Variants in FRMD4B observed in about 807,000 individuals in gnomAD.
FRMD4B encodes the protein FERM domain containing 4B, also known as FERM domain-containing protein 4B.
Under a neutral mutation model 141.5 loss-of-function variants are expected in FRMD4B, and 74 were observed. That is an observed-to-expected ratio of 0.52 (90% CI 0.43 to 0.63). The LOEUF is 0.63. Ranked by LOEUF, FRMD4B falls within the 30% of genes least tolerant of loss-of-function variation. FRMD4B has a pLI of 0.00. For synonymous variants in FRMD4B, 506 were observed against 467.9 expected (o/e 1.08, Z -1.05); for missense variants, 1,366 against 1,253.4 (o/e 1.09, Z -1.36).
At chr3:69,450,570 T>C (rs1705479567) in intron 1 of FRMD4B, among the ~76,000 whole-genome samples, 2 of 152,192 alleles carry the variant, frequency 1.3e-5, no homozygotes, top group African/African-American at 4.8e-5. Flanking sequence ...CTGTCCAACA[T>C]GGGGAAACCC....
At chr3:69,309,421 T>C (rs1422301694) in intron 3 of FRMD4B, among the ~76,000 whole-genome samples, 2 of 151,108 alleles carry the variant, frequency 1.3e-5, no homozygotes, top group South Asian at 2.1e-4. Flanking sequence ...GGATCACAGG[T>C]GTGAGCCACT....
intron 1 of FRMD4B, among the ~76,000 whole-genome samples, chr3:69,537,034 C>A (rs1283162706): frequency 6.6e-6 from 1 of 152,214 alleles, no homozygotes; most frequent in Admixed American, 6.5e-5. Flanking sequence ...AGGCATGAGC[C>A]ACTGCACCCC....
intron 1 of FRMD4B, among the ~76,000 whole-genome samples, chr3:69,539,923 C>T (rs1182383945): frequency 6.6e-6 from 1 of 152,226 alleles, no homozygotes; most frequent in Non-Finnish European, 1.5e-5. Flanking sequence ...GGCCCTGTGG[C>T]TCACGCCTGT....
intron 11 of FRMD4B, among the ~76,000 whole-genome samples, chr3:69,203,341 A>AAAAAAAAAAAAAAAAG (rs1553700373): frequency 6.5e-5 from 5 of 76,976 alleles, no homozygotes; most frequent in Non-Finnish European, 7.7e-5. Flanking sequence ...AAAAAAAAAA[A>AAAAAAAAAAAAAAAAG]AAAGAAAGAA....
chr3:69,201,029 G>T (rs2092960839), intron 11 of FRMD4B: 1 of 276,214 alleles, frequency 3.6e-6, no homozygotes, highest in East Asian at 8.7e-5. Flanking sequence ...CTCCCTGCAA[G>T]CAAAAACTCT....
chr3:69,446,159 C>A (rs1250128981), intron 1 of FRMD4B, among the ~76,000 whole-genome samples: 1 of 151,828 alleles, frequency 6.6e-6, no homozygotes, highest in Admixed American at 6.6e-5. Flanking sequence ...TCCTGAGTAG[C>A]TGGGATTACA....
intron 19 of FRMD4B, among the ~76,000 whole-genome samples, chr3:69,187,353 C>G: frequency 6.6e-6 from 1 of 151,554 alleles, no homozygotes; most frequent in South Asian, 2.1e-4. Context: ...CGAGACCACC[C>G]GGACCAACAT....
intron 1 of FRMD4B, among the ~76,000 whole-genome samples, chr3:69,355,301 G>A (rs1387315897): frequency 6.6e-6 from 1 of 152,160 alleles, no homozygotes; most frequent in African/African-American, 2.4e-5. Flanking sequence ...AATATTAGGA[G>A]TAAATTTTCT....
At chr3:69,367,524 ATATCAT>A (rs1703701614) in intron 1 of FRMD4B, among the ~76,000 whole-genome samples, 1 of 29,698 alleles carries the variant, frequency 3.4e-5, no homozygotes, top group South Asian at 1.3e-3. Context: ...CCCAAAAAAT[ATATCAT>A]TGACAATTAT....
chr3:69,316,257 C>T (rs769032499), intron 1 of FRMD4B, among the ~76,000 whole-genome samples: 5 of 152,110 alleles, frequency 3.3e-5, no homozygotes, highest in Admixed American at 2.0e-4. Context: ...GTCCTTAATT[C>T]GGCAAAGCCA....
At position 69,434,800 on chromosome 3, in the gene FRMD4B, G is replaced by A. The variant is rs774638148; in HGVS notation, c.-128-2039C>T. On this transcript the variant is annotated intron_variant, in intron 1 of 5. Transcript: ENST00000459638. Reference sequence around the variant, plus strand: ...GTTGGGGTAGATGAGTTACAATCACGCACTATATTAGTTTGCTAGGGCTGC... The same window carrying A: ...GTTGGGGTAGATGAGTTACAATCACACACTATATTAGTTTGCTAGGGCTGC... Among the ~76,000 whole-genome samples, 32 of 152,130 alleles carry A rather than the reference G, an allele frequency of 2.1e-4. 2 individuals carry two copies. Among genetic ancestry groups the A allele is most frequent in the African/African-American group, 5.6e-4 (23 of 41,426 alleles).
chr3:69,450,003 T>A (rs1412160118), intron 1 of FRMD4B, among the ~76,000 whole-genome samples: 1 of 151,004 alleles, frequency 6.6e-6, no homozygotes, highest in Non-Finnish European at 1.5e-5. Context: ...TTCCTCAGCC[T>A]CAGTTTCCCT....
intron 11 of FRMD4B, among the ~76,000 whole-genome samples, chr3:69,209,131 G>A (rs1219629731): frequency 6.8e-6 from 1 of 147,860 alleles, no homozygotes; most frequent in Non-Finnish European, 1.5e-5. Context: ...GCAACAGAGC[G>A]AGAATCCATC....
intron 1 of FRMD4B, among the ~76,000 whole-genome samples, chr3:69,342,555 A>G (rs1386012844): frequency 4.6e-5 from 7 of 152,220 alleles, no homozygotes; most frequent in Admixed American, 1.3e-4. Context: ...TATTTGGGAT[A>G]GTTGTATAAT....
In FRMD4B at chr3:69,258,177, G is replaced by A. The variant is rs538407100; in HGVS notation, c.502-8078C>T. Among the ~76,000 whole-genome samples the A allele has an allele frequency of 6.6e-5, 10 of 152,168 alleles. No individual in the cohort carries two copies. The South Asian group carries it at 1.0e-3, about 16-fold the overall frequency. On this transcript the variant is annotated intron_variant, in intron 5 of 22. Transcript: ENST00000398540. ...GACAGGGTTTTGCCATGTTGCCCAGGTTGGTCTTGAACTCCTGGGCTCAAG... is the reference window on the plus strand; with the variant it reads ...GACAGGGTTTTGCCATGTTGCCCAGATTGGTCTTGAACTCCTGGGCTCAAG...
At chr3:69,392,775 G>A (rs1265429540) in intron 2 of FRMD4B, among the ~76,000 whole-genome samples, 4 of 152,136 alleles carry the variant, frequency 2.6e-5, no homozygotes, top group South Asian at 2.1e-4. Context: ...TCACTCAGGG[G>A]GTGGGGGTCT....
intron 5 of FRMD4B, among the ~76,000 whole-genome samples, chr3:69,253,951 C>T (rs1215186486): frequency 6.6e-6 from 1 of 151,954 alleles, no homozygotes; most frequent in Non-Finnish European, 1.5e-5. Flanking sequence ...TGTGGTGGCT[C>T]ATGTCTATAT....
chr3:69,360,798 T>A (rs2107462996), intron 1 of FRMD4B, among the ~76,000 whole-genome samples: 1 of 152,314 alleles, frequency 6.6e-6, no homozygotes, highest in South Asian at 2.1e-4. Flanking sequence ...AGGTCGCCAC[T>A]TGTGTTTTTT....
At chr3:69,191,032 G>A (rs535436601) in intron 17 of FRMD4B, among the ~76,000 whole-genome samples, 4 of 152,204 alleles carry the variant, frequency 2.6e-5, no homozygotes, top group South Asian at 2.1e-4. Flanking sequence ...CAAATGCTCA[G>A]TAAATGTTAG....
Sources: gnomAD v4.1 joint callset for allele counts (sites outside exome capture counted in the v4.1 genomes callset) on GRCh38, gnomAD v4.1.1 for gene constraint, MANE v1.5 for transcripts, NCBI Gene and HGNC (gene_info 2026-07-23, HGNC 2026-07-21) for gene names.